IKZF1: variants seen among roughly 807,000 people sequenced by gnomAD.
IKZF1 encodes the protein DNA-binding protein Ikaros.
Under a neutral mutation model 51.7 loss-of-function variants are expected in IKZF1, and 10 were observed. The ratio of observed to expected loss-of-function variants is 0.19; its 90% confidence interval spans 0.12 to 0.33. IKZF1 has a LOEUF of 0.33. IKZF1 is among the 10% of genes least tolerant of loss of function. The pLI, the probability that IKZF1 is intolerant of heterozygous loss-of-function variation, is 1.00. For synonymous variants in IKZF1, 280 were observed against 282.3 expected (o/e 0.99, Z 0.08); for missense variants, 484 against 707.5 (o/e 0.68, Z 3.58).
chr7:50,370,561 T>C (rs1021360221), intron 3 of IKZF1, among the ~76,000 whole-genome samples: 1 of 152,182 alleles, frequency 6.6e-6, no homozygotes, highest in Non-Finnish European at 1.5e-5. Context: ...CCAAGATAGG[T>C]CAATGAGATT....
At chr7:50,331,591 A>G (rs1796454575) in intron 3 of IKZF1, among the ~76,000 whole-genome samples, 1 of 152,260 alleles carries the variant, frequency 6.6e-6, no homozygotes, top group Non-Finnish European at 1.5e-5. Context: ...AACAAGGATA[A>G]CAGACCATAT....
intron 1 of IKZF1, among the ~76,000 whole-genome samples, chr7:50,310,431 TATAA>T (rs1321535394): frequency 6.6e-6 from 1 of 152,234 alleles, no homozygotes; most frequent in African/African-American, 2.4e-5. Flanking sequence ...TCTGTCAGGT[TATAA>T]ATAAAGACAT....
chr7:50,357,043 G>A (rs530273933), intron 3 of IKZF1, among the ~76,000 whole-genome samples: 13 of 152,086 alleles, frequency 8.5e-5, no homozygotes, highest in South Asian at 8.3e-4. Flanking sequence ...ACCGGGCTTC[G>A]GAGGGCCATG....
chr7:50,341,750 T>C (rs1274010736), intron 3 of IKZF1, among the ~76,000 whole-genome samples: 3 of 152,244 alleles, frequency 2.0e-5, no homozygotes, highest in African/African-American at 7.2e-5. Context: ...TGCTTAAATA[T>C]TATTTAAGTA....
rs781489023 is a variant in IKZF1 at position 50,400,677 on chromosome 7, C to G, written c.*50C>G. On this transcript the variant is annotated 3_prime_UTR_variant, in exon 8 of 8. Coordinates refer to ENST00000331340, the MANE Select transcript of IKZF1 (RefSeq NM_006060.6). This position sits in a 1 kb window ranked among gnomAD's most constrained non-coding sequence, Gnocchi z 5.4. Reference sequence around the variant, plus strand: ...ACCCCGAGCCACCCCAGGAAAAGCACAAGGACTGCCGCCTTCTCGCTCCCG... The same window carrying G: ...ACCCCGAGCCACCCCAGGAAAAGCAGAAGGACTGCCGCCTTCTCGCTCCCG... The G allele has an allele frequency of 1.3e-4, 196 of 1,553,632 alleles. No homozygotes were observed. Among genetic ancestry groups the G allele is most frequent in the Non-Finnish European group, 1.6e-4 (186 of 1,155,284 alleles).
chr7:50,339,084 C>T (rs1028049547), intron 3 of IKZF1, among the ~76,000 whole-genome samples: 7 of 152,270 alleles, frequency 4.6e-5, no homozygotes, highest in East Asian at 1.9e-4. Flanking sequence ...AATCGGTGAA[C>T]GCTGCAAATC....
chr7:50,328,056 A>G (rs1200923977), intron 3 of IKZF1: 3 of 301,938 alleles, frequency 9.9e-6, no homozygotes, highest in Non-Finnish European at 1.9e-5. Flanking sequence ...ACTTGCAGGA[A>G]TATCAAATGT....
chr7:50,344,250 A>G (rs1419709847), intron 3 of IKZF1, among the ~76,000 whole-genome samples: 2 of 152,232 alleles, frequency 1.3e-5, no homozygotes, highest in Non-Finnish European at 2.9e-5. Context: ...AAACTCATTA[A>G]TCTGCATGAC....
chr7:50,335,115 T>A (rs1797344932), intron 3 of IKZF1, among the ~76,000 whole-genome samples: 1 of 148,522 alleles, frequency 6.7e-6, no homozygotes, highest in East Asian at 2.0e-4. Context: ...GGTGTGTATA[T>A]GTTTATGGGA....
chr7:50,341,910 G>A (rs1799156872), intron 3 of IKZF1, among the ~76,000 whole-genome samples: 3 of 151,594 alleles, frequency 2.0e-5, no homozygotes, highest in African/African-American at 7.3e-5. Flanking sequence ...ATGCAGCTAG[G>A]GGTTACCTAT....
chr7:50,325,544 C>G (rs1304001570), intron 2 of IKZF1, among the ~76,000 whole-genome samples: 2 of 152,162 alleles, frequency 1.3e-5, no homozygotes, highest in Admixed American at 1.3e-4. Context: ...GAGGCCAAGG[C>G]AGGCAGATCA....
At chr7:50,325,275 C>T (rs1278194679) in intron 2 of IKZF1, among the ~76,000 whole-genome samples, 1 of 111,082 alleles carries the variant, frequency 9.0e-6, no homozygotes, top group Admixed American at 1.1e-4. Flanking sequence ...CCCCCGCTGC[C>T]ACCAAAAAAA....
chr7:50,323,507 T>C (rs1793996783), intron 2 of IKZF1, among the ~76,000 whole-genome samples: 1 of 152,246 alleles, frequency 6.6e-6, no homozygotes, highest in Non-Finnish European at 1.5e-5. Flanking sequence ...ATAAGCTAAT[T>C]ATACCATATC....
At chr7:50,346,154 G>A (rs1225237808) in intron 3 of IKZF1, among the ~76,000 whole-genome samples, 1 of 152,134 alleles carries the variant, frequency 6.6e-6, no homozygotes, top group African/African-American at 2.4e-5. Context: ...CCATGTGCAC[G>A]GTGTGTTTGA....
chr7:50,358,355 G>T (rs1156650200), intron 3 of IKZF1, among the ~76,000 whole-genome samples: 1 of 152,242 alleles, frequency 6.6e-6, no homozygotes, highest in East Asian at 1.9e-4. Context: ...GGTTTTGACA[G>T]AAGTGCCAGG....
intron 1 of IKZF1, among the ~76,000 whole-genome samples, chr7:50,317,093 T>A (rs117309612): frequency 0.016 from 2,416 of 152,318 alleles, 37 homozygotes; most frequent in Middle Eastern, 0.037. Flanking sequence ...TAGTCCTAAG[T>A]GGTAGAAATT....
At chr7:50,382,186 C>A (rs553866703) in intron 4 of IKZF1, among the ~76,000 whole-genome samples, 1 of 152,246 alleles carries the variant, frequency 6.6e-6, no homozygotes, top group Admixed American at 6.5e-5. Flanking sequence ...CATTAAAAAA[C>A]CCCACCAAAT....
At chr7:50,368,322 A>G (rs1176815348) in intron 3 of IKZF1, 1 of 703,304 alleles carries the variant, frequency 1.4e-6, no homozygotes, top group South Asian at 1.5e-5. Flanking sequence ...CACTGATGGG[A>G]TTGTTACTTC....
At chr7:50,314,005 G>A (rs1039099711) in intron 1 of IKZF1, among the ~76,000 whole-genome samples, 18 of 152,224 alleles carry the variant, frequency 1.2e-4, no homozygotes, top group African/African-American at 4.3e-4. Context: ...AATATCACTG[G>A]ACAAAGAATC....
Sources: gnomAD v4.1 joint callset for allele counts (sites outside exome capture counted in the v4.1 genomes callset) on GRCh38, gnomAD v4.1.1 for gene constraint, Gnocchi (gnomAD v3.1) non-coding constraint, MANE v1.5 for transcripts, NCBI Gene and HGNC (gene_info 2026-07-23, HGNC 2026-07-21) for gene names.